Variants in MMP26 observed in about 807,000 individuals in gnomAD.
MMP26 encodes matrix metallopeptidase 26.
MMP26 carries 33 observed loss-of-function variants against 31.0 expected under a neutral mutation model. The ratio of observed to expected loss-of-function variants is 1.06; its 90% CI spans 0.81 to 1.42. The LOEUF (loss-of-function observed/expected upper bound fraction) is 1.42. Among genes scored for constraint, MMP26 ranks in the 40% most tolerant of loss-of-function variants. The pLI, the probability that MMP26 is intolerant of heterozygous loss-of-function variation, is 0.00. For synonymous variants in MMP26, 122 were observed against 114.9 expected (o/e 1.06, Z -0.40); for missense variants, 347 against 316.1 (o/e 1.10, Z -0.74).
chr11:4,739,629 T>C (rs1323462587), intron 1 of MMP26, among the ~76,000 whole-genome samples: 3 of 152,190 alleles, frequency 2.0e-5, no homozygotes, highest in Admixed American at 2.0e-4. Context: ...CAATTTTACC[T>C]CCTTCACTAG....
chr11:4,746,437 T>G (rs1462104668), intron 1 of MMP26, among the ~76,000 whole-genome samples: 2 of 152,242 alleles, frequency 1.3e-5, no homozygotes, highest in African/African-American at 2.4e-5. Context: ...CATTAAGTAT[T>G]CTTAAGGCAA....
chr11:4,853,186 G>A (rs1001110885), intron 2 of MMP26, among the ~76,000 whole-genome samples: 2 of 152,004 alleles, frequency 1.3e-5, no homozygotes, highest in South Asian at 2.1e-4. Flanking sequence ...TTTGCCAAAG[G>A]GCACCTCTTA....
intron 2 of MMP26, among the ~76,000 whole-genome samples, chr11:4,884,927 T>C (rs1476006420): frequency 6.6e-6 from 1 of 152,106 alleles, no homozygotes; most frequent in African/African-American, 2.4e-5. Flanking sequence ...GATATATGGC[T>C]CTTTAAAGTA....
intron 2 of MMP26, among the ~76,000 whole-genome samples, chr11:4,932,931 C>T (rs1005292315): frequency 1.3e-5 from 2 of 152,074 alleles, no homozygotes; most frequent in African/African-American, 2.4e-5. Context: ...AAGTTCATTG[C>T]CTTGTTTACA....
At chr11:4,947,076 C>T in intron 2 of MMP26, 1 of 1,520,310 alleles carries the variant, frequency 6.6e-7, no homozygotes. Flanking sequence ...GTGATTTCAA[C>T]ATATGATGTG....
chr11:4,852,695 A>T (rs1229428381), intron 2 of MMP26, among the ~76,000 whole-genome samples: 1 of 152,292 alleles, frequency 6.6e-6, no homozygotes, highest in Non-Finnish European at 1.5e-5. Flanking sequence ...CCACCATATT[A>T]TTCAGCATTC....
rs1847015556 is a variant in MMP26 at position 4,992,091 on chromosome 11, T to G, written c.723T>G (p.Ser241Arg). The change falls in exon 7 of 8, where the codon AGT becomes AGG. Residue 241 changes from serine (S) to arginine (R), a missense_variant. Ser to Arg is a moderately radical substitution (Grantham distance 110, BLOSUM62 -1). Transcript: ENST00000380390. Reference protein sequence around the residue: ...WYHDPRTFQLSADDIQRIQHL... With the variant: ...WYHDPRTFQLRADDIQRIQHL... ...ACGACCCTAGAACCTTCCAGCTCAGTGCCGATGATATCCAAAGGATCCAGC... is the reference window on the plus strand; with the variant it reads ...ACGACCCTAGAACCTTCCAGCTCAGGGCCGATGATATCCAAAGGATCCAGC... The G allele has an allele frequency of 6.2e-7, 1 of 1,613,750 alleles. No individual in the cohort carries two copies. The highest frequency in any genetic ancestry group is 8.5e-7 in the Non-Finnish European group (1 of 1,179,890).
At chr11:4,760,479 G>A (rs1193712511) in intron 1 of MMP26, among the ~76,000 whole-genome samples, 2 of 152,198 alleles carry the variant, frequency 1.3e-5, no homozygotes, top group African/African-American at 4.8e-5. Flanking sequence ...TGAAATATGA[G>A]CCAGGTGGAA....
chr11:4,864,637 T>A (rs1850209871), intron 2 of MMP26, among the ~76,000 whole-genome samples: 1 of 152,168 alleles, frequency 6.6e-6, no homozygotes, highest in South Asian at 2.1e-4. Context: ...TGTGCCAATA[T>A]ATTTTTAATA....
intron 2 of MMP26, among the ~76,000 whole-genome samples, chr11:4,836,377 C>T (rs956983865): frequency 6.6e-6 from 1 of 151,468 alleles, no homozygotes; most frequent in African/African-American, 2.4e-5. Context: ...AGTGTTAGTA[C>T]ACTGTGTATA....
intron 1 of MMP26, among the ~76,000 whole-genome samples, chr11:4,748,144 G>A (rs1301347772): frequency 1.3e-5 from 2 of 151,938 alleles, no homozygotes; most frequent in Non-Finnish European, 2.9e-5. Context: ...AAATACAAAA[G>A]ATCATCACAA....
intron 2 of MMP26, chr11:4,849,365 C>G (rs1282000683): frequency 1.4e-6 from 1 of 699,738 alleles, no homozygotes; most frequent in Non-Finnish European, 2.4e-6. Context: ...CACATTTCCT[C>G]CCTGTGCACG....
intron 2 of MMP26, chr11:4,914,479 T>C: frequency 2.2e-6 from 1 of 461,008 alleles, no homozygotes; most frequent in Non-Finnish European, 3.9e-6. Context: ...GAAGAGCATG[T>C]GGGTTTAGAA....
chr11:4,941,480 G>C (rs902530860), intron 2 of MMP26, among the ~76,000 whole-genome samples: 1 of 152,158 alleles, frequency 6.6e-6, no homozygotes, highest in Non-Finnish European at 1.5e-5. Context: ...ATAATGAATT[G>C]CTTTAGTACT....
intron 6 of MMP26, 133 bp from the exon 7 acceptor site, chr11:4,991,831 C>A: frequency 1.2e-6 from 1 of 834,868 alleles, no homozygotes; most frequent in Non-Finnish European, 1.8e-6. Context: ...CCTTGCCTAC[C>A]TTTTCCTTTA....
chr11:4,969,826 A>C (rs1176521110), intron 2 of MMP26, among the ~76,000 whole-genome samples: 1 of 152,152 alleles, frequency 6.6e-6, no homozygotes, highest in Non-Finnish European at 1.5e-5. Context: ...GTTTTTATTA[A>C]GCAAACGTTA....
chr11:4,819,009 A>T (rs974897852), intron 2 of MMP26, among the ~76,000 whole-genome samples: 4 of 152,220 alleles, frequency 2.6e-5, no homozygotes, highest in Non-Finnish European at 5.9e-5. Context: ...TTGGTTAAAA[A>T]ATAAGAGAAT....
chr11:4,941,605 A>G (rs1025956428), intron 2 of MMP26, among the ~76,000 whole-genome samples: 6 of 152,206 alleles, frequency 3.9e-5, no homozygotes, highest in Admixed American at 1.3e-4. Flanking sequence ...AATAAGTTCC[A>G]AGGTGATTCT....
rs146363045 is a variant in MMP26 at position 4,804,175 on chromosome 11, A to G, written c.-145+36834A>G. On this transcript the variant is annotated intron_variant, in intron 2 of 7. Transcript: ENST00000380390. ...GGAGAGGACCAGGTCAGTGATGGCCAGCATGGCCAGAAAGAGGTACATGGG... is the reference window on the plus strand; with the variant it reads ...GGAGAGGACCAGGTCAGTGATGGCCGGCATGGCCAGAAAGAGGTACATGGG... The G allele has an allele frequency of 3.0e-5, 49 of 1,614,200 alleles. No individual in the cohort carries two copies. The African/African-American group carries it at 3.7e-4, about 12-fold the overall frequency.
Sources: allele counts gnomAD v4.1 joint callset (sites outside exome capture counted in the v4.1 genomes callset), GRCh38; gene constraint gnomAD v4.1.1; transcripts MANE v1.5; gene names NCBI Gene and HGNC (gene_info 2026-07-23, HGNC 2026-07-21).